The following IQGAP2 variants were observed in gnomAD, a reference collection of about 807,000 sequenced individuals.
IQGAP2 encodes ras GTPase-activating-like protein IQGAP2.
Under a neutral mutation model 201.3 loss-of-function variants are expected in IQGAP2, and 173 were observed. The ratio of observed to expected loss-of-function variants is 0.86; its 90% CI spans 0.76 to 0.98. The LOEUF (loss-of-function observed/expected upper bound fraction) is 0.98. Among genes scored for constraint, IQGAP2 ranks in the 50% least tolerant of loss-of-function variants. The pLI is 0.00. For missense variants in IQGAP2, 1,687 were observed against 1,864.8 expected (o/e 0.90, Z 1.76); for synonymous variants, 675 against 673.9 (o/e 1.00, Z -0.03).
chr5:76,525,170 C>T (rs1758898408), intron 2 of IQGAP2, among the ~76,000 whole-genome samples: 1 of 152,208 alleles, frequency 6.6e-6, no homozygotes, highest in African/African-American at 2.4e-5. Context: ...TTGGCTGAAG[C>T]TTGGCATCCC....
At chr5:76,631,524 A>G (rs1486104118) in intron 14 of IQGAP2, among the ~76,000 whole-genome samples, 1 of 152,182 alleles carries the variant, frequency 6.6e-6, no homozygotes, top group African/African-American at 2.4e-5. Context: ...ATACATGCTA[A>G]TGCCCTAGGT....
chr5:76,650,395 C>T (rs1385954438), intron 17 of IQGAP2, among the ~76,000 whole-genome samples: 2 of 152,158 alleles, frequency 1.3e-5, no homozygotes, highest in Non-Finnish European at 2.9e-5. Flanking sequence ...TATGTATACC[C>T]TTTCTCTTTG....
chr5:76,677,666 G>T, intron 28 of IQGAP2: 1 of 196,374 alleles, frequency 5.1e-6, no homozygotes, highest in Non-Finnish European at 1.0e-5. Flanking sequence ...GGTGGCATAT[G>T]CCTGTAATCC....
At chr5:76,695,718 C>G in intron 32 of IQGAP2, 52 bp downstream of exon 32, 1 of 1,450,388 alleles carries the variant, frequency 6.9e-7, no homozygotes, top group Non-Finnish European at 9.6e-7. Context: ...ATTTGCTAAT[C>G]ACCAGTCAAG....
chr5:76,600,107 C>A (rs911533800), intron 10 of IQGAP2, among the ~76,000 whole-genome samples: 30 of 152,010 alleles, frequency 2.0e-4, no homozygotes, highest in Non-Finnish European at 1.8e-4. Context: ...TAGATCGTGC[C>A]ATTGCACCCC....
chr5:76,439,391 C>G (rs1281336159), intron 1 of IQGAP2, among the ~76,000 whole-genome samples: 3 of 152,232 alleles, frequency 2.0e-5, no homozygotes, highest in Admixed American at 2.0e-4. Context: ...TCCAGTGTTC[C>G]TTTGTTGACT....
chr5:76,461,988 G>A (rs1754481911), intron 2 of IQGAP2, among the ~76,000 whole-genome samples: 1 of 152,210 alleles, frequency 6.6e-6, no homozygotes, highest in Non-Finnish European at 1.5e-5. Context: ...CTTGTTGGCA[G>A]CAGGATAATG....
intron 13 of IQGAP2, among the ~76,000 whole-genome samples, chr5:76,625,301 T>C (rs1750120565): frequency 6.6e-6 from 1 of 152,212 alleles, no homozygotes; most frequent in South Asian, 2.1e-4. Context: ...TCTACAGTGA[T>C]AAGTTATGAA....
chr5:76,639,768 C>T (rs2432185), intron 16 of IQGAP2, among the ~76,000 whole-genome samples: 94,030 of 152,008 alleles, frequency 0.62, 29,243 homozygotes, highest in South Asian at 0.78. Context: ...ACCAAAAATA[C>T]TTAATGACAA....
chr5:76,688,990 G>A (rs1262718438), intron 30 of IQGAP2, among the ~76,000 whole-genome samples: 1 of 151,928 alleles, frequency 6.6e-6, no homozygotes, highest in African/African-American at 2.4e-5. Context: ...CTTGTCGAGG[G>A]CAAGGTCATT....
In IQGAP2 at chr5:76,403,350, A is replaced by G. The variant is rs1412827557; in HGVS notation, c.-196A>G. 4 of 407,210 alleles carry G rather than the reference A, an allele frequency of 9.8e-6. No individual in the cohort carries two copies. The highest frequency in any genetic ancestry group is 1.7e-5 in the Non-Finnish European group (4 of 233,512). 25.2% of individuals were successfully genotyped at this position (407,210 alleles called of 1,614,324 possible). The stretch of plus-strand genomic sequence containing the variant: ...AGGGAGGAGAGTTCACTTTTACTTC[A>G]GTGTCAGCGCGCGGCGGCCGTGGCT... On this transcript the variant is annotated 5_prime_UTR_variant, in exon 1 of 36. Transcript: ENST00000274364. This position sits in a 1 kb window ranked among gnomAD's most constrained non-coding sequence, Gnocchi z 4.8.
chr5:76,637,043 A>C lies in IQGAP2; in HGVS notation c.1790A>C (p.Asp597Ala), dbSNP rs778451679. The C allele has an allele frequency of 6.8e-6, 11 of 1,606,286 alleles. No homozygotes were observed. The highest frequency in any genetic ancestry group is 7.7e-6 in the Non-Finnish European group (9 of 1,176,392). Residue 597 changes from aspartate (D) to alanine (A), a missense_variant, in exon 16 of 36, where the codon GAC becomes GCC. Asp to Ala is a moderately radical substitution (Grantham distance 126). Transcript: ENST00000274364. ...KELKSERVSSDGSWLKLNLHK... is the reference protein window; with the variant it reads ...KELKSERVSSAGSWLKLNLHK... ...AAACTTTTTTCTTTAGTGTCTAGTG[A>C]CGGTTCATGGCTCAAACTCAACCTG... is the stretch of plus-strand genomic sequence containing the variant.
chr5:76,525,992 T>C lies in IQGAP2; in HGVS notation c.147-36404T>C, dbSNP rs77287869. ...ATAATTGAAGGAAAATGCTAAATTG[T>C]AGAGGCTAATGCAAAGTAAAATGTA... On this transcript the variant is annotated intron_variant, in intron 2 of 35. Coordinates refer to ENST00000274364, the MANE Select transcript of IQGAP2 (RefSeq NM_006633.5). 3.5e-3 allele frequency among the ~76,000 whole-genome samples: 535 copies of C among 152,340 alleles called. 1 individual carries two copies. The highest frequency in any genetic ancestry group is 0.012 in the African/African-American group (513 of 41,572).
At chr5:76,646,604 A>G (rs1204366955) in intron 17 of IQGAP2, among the ~76,000 whole-genome samples, 3 of 152,200 alleles carry the variant, frequency 2.0e-5, no homozygotes, top group Non-Finnish European at 4.4e-5. Context: ...TATCACCATA[A>G]GAGCTTAAGG....
intron 2 of IQGAP2, among the ~76,000 whole-genome samples, chr5:76,496,770 TTTCTTTC>T (rs1756995182): frequency 1.0e-5 from 1 of 96,360 alleles, no homozygotes. Flanking sequence ...TCTTTCTTTC[TTTCTTTC>T]TTTCTTTCTT....
intron 1 of IQGAP2, among the ~76,000 whole-genome samples, chr5:76,446,700 T>C (rs1753412336): frequency 6.6e-6 from 1 of 152,218 alleles, no homozygotes; most frequent in Non-Finnish European, 1.5e-5. Flanking sequence ...CCAAATGGCT[T>C]TTTGGTTTAT....
chr5:76,523,166 C>G (rs1000370551), intron 2 of IQGAP2, among the ~76,000 whole-genome samples: 3 of 150,018 alleles, frequency 2.0e-5, no homozygotes, highest in African/African-American at 7.4e-5. Flanking sequence ...CTTACTGCAG[C>G]CTCAACCTCC....
At chr5:76,522,589 A>T (rs1455240405) in intron 2 of IQGAP2, among the ~76,000 whole-genome samples, 2 of 152,228 alleles carry the variant, frequency 1.3e-5, no homozygotes, top group Non-Finnish European at 2.9e-5. Context: ...CTGTATATTG[A>T]CAGCAGACTT....
intron 1 of IQGAP2, among the ~76,000 whole-genome samples, chr5:76,450,865 A>C (rs992516459): frequency 6.6e-6 from 1 of 152,198 alleles, no homozygotes; most frequent in Admixed American, 6.5e-5. Flanking sequence ...TATTGTCAAC[A>C]TATCCCCATT....
Sources: gnomAD v4.1 joint callset for allele counts (sites outside exome capture counted in the v4.1 genomes callset) on GRCh38, gnomAD v4.1.1 for gene constraint, Gnocchi (gnomAD v3.1) non-coding constraint, MANE v1.5 for transcripts, NCBI Gene and HGNC (gene_info 2026-07-23, HGNC 2026-07-21) for gene names.